CPQ: variants seen among roughly 807,000 people sequenced by gnomAD.
CPQ encodes carboxypeptidase Q, also known as Ser-Met dipeptidase.
CPQ carries 37 observed loss-of-function variants against 45.7 expected under a neutral mutation model. The observed-to-expected ratio is 0.81, with a 90% confidence interval of 0.62 to 1.07. The LOEUF (loss-of-function observed/expected upper bound fraction) is 1.07, where lower values mean the gene tolerates loss of function less well. Ranked by LOEUF, CPQ falls within the 50% of genes least tolerant of loss-of-function variation. The pLI is 0.00. For missense variants in CPQ, 537 were observed against 572.9 expected, an observed-to-expected ratio of 0.94 and a Z score of 0.64; for synonymous variants, 186 against 205.8, an observed-to-expected ratio of 0.90 and a Z score of 0.82.
intron 1 of CPQ, among the ~76,000 whole-genome samples, chr8:96,683,894 T>C (rs1212302613): frequency 6.6e-6 from 1 of 152,164 alleles, no homozygotes; most frequent in African/African-American, 2.4e-5. Context: ...TTTGGTTTTG[T>C]TCTCTTTGGA....
At chr8:96,880,074 T>G in intron 4 of CPQ, 69 bp downstream of exon 4, 2 of 1,397,768 alleles carry the variant, frequency 1.4e-6, no homozygotes, top group South Asian at 2.4e-5. Flanking sequence ...AGAGATAGTT[T>G]GGGAAAGAGA....
rs542508281 is a variant in CPQ at position 96,978,125 on chromosome 8, G to A, written c.961+12079G>A. Among the ~76,000 whole-genome samples the A allele has an allele frequency of 9.9e-5, 15 of 151,914 alleles. No individual in the cohort carries two copies. In the South Asian group the frequency reaches 2.1e-3, roughly 21 times the overall value. On this transcript the variant is annotated intron_variant, in intron 5 of 7. Coordinates refer to ENST00000220763, the MANE Select transcript of CPQ (RefSeq NM_016134.4). ...ATTCTGATATGTTATTTCCTCTAGC[G>A]GCAACTTATGTTAGTGAATGGCTTT...
intron 4 of CPQ, among the ~76,000 whole-genome samples, chr8:96,887,737 A>G (rs1812322919): frequency 6.6e-6 from 1 of 152,182 alleles, no homozygotes; most frequent in Non-Finnish European, 1.5e-5. Flanking sequence ...TTCATGAATT[A>G]TTCTGAAGTT....
intron 4 of CPQ, among the ~76,000 whole-genome samples, chr8:96,952,398 G>C (rs1813281621): frequency 6.6e-6 from 1 of 152,082 alleles, no homozygotes; most frequent in Non-Finnish European, 1.5e-5. Context: ...AGCCTGCAAA[G>C]GAATCTAGAA....
At chr8:97,056,623 C>G (rs1360002584) in intron 6 of CPQ, 1 of 152,164 alleles carries the variant, frequency 6.6e-6, no homozygotes, top group African/African-American at 2.4e-5. Context: ...GGAGGGACAA[C>G]CAATGTTTGA....
chr8:96,941,961 G>T (rs1002186992), intron 4 of CPQ, among the ~76,000 whole-genome samples: 1 of 152,148 alleles, frequency 6.6e-6, no homozygotes, highest in African/African-American at 2.4e-5. Context: ...GAAAGAGGAA[G>T]GTGTTTAGCC....
At chr8:96,950,242 TAA>T (rs1586463311) in intron 4 of CPQ, among the ~76,000 whole-genome samples, 1 of 152,152 alleles carries the variant, frequency 6.6e-6, no homozygotes, top group East Asian at 1.9e-4. Context: ...ACTAAAATTG[TAA>T]AGGTCAGGGG....
chr8:96,991,322 C>A (rs1362945771), intron 5 of CPQ, among the ~76,000 whole-genome samples: 1 of 151,968 alleles, frequency 6.6e-6, no homozygotes, highest in African/African-American at 2.4e-5. Context: ...TTTGGGAGAC[C>A]GAGGTGGGCC....
chr8:96,989,369 T>C (rs1436350662), intron 5 of CPQ, among the ~76,000 whole-genome samples: 2 of 149,446 alleles, frequency 1.3e-5, no homozygotes, highest in Non-Finnish European at 3.0e-5. Flanking sequence ...TTCAGGTCAG[T>C]TCTGAATAAT....
Position 97,125,869 on chromosome 8 carries a change from T to C in CPQ, c.1256-17151T>C, listed in dbSNP as rs548664316. Reference sequence around the variant, plus strand: ...ATCATATTGCAAGTACCAACTAGTATAATTAGACAAGATAAAGAAATCAAA... The same window carrying C: ...ATCATATTGCAAGTACCAACTAGTACAATTAGACAAGATAAAGAAATCAAA... On this transcript the variant is annotated intron_variant, in intron 7 of 7. Transcript: ENST00000220763. 3.3e-5 allele frequency among the ~76,000 whole-genome samples: 5 copies of C among 152,180 alleles called. 1 individual carries two copies. Among genetic ancestry groups the C allele is most frequent in the Non-Finnish European group, 7.3e-5 (5 of 68,030 alleles).
chr8:97,053,366 T>C (rs1247587898), intron 6 of CPQ, among the ~76,000 whole-genome samples: 1 of 152,056 alleles, frequency 6.6e-6, no homozygotes, highest in Non-Finnish European at 1.5e-5. Flanking sequence ...GGAGCAGAGA[T>C]AGAGTACATG....
intron 5 of CPQ, among the ~76,000 whole-genome samples, chr8:97,010,135 G>C (rs1809459389): frequency 6.6e-6 from 1 of 152,190 alleles, no homozygotes; most frequent in African/African-American, 2.4e-5. Context: ...GGAGGATTTA[G>C]TGAAAGTTAT....
intron 7 of CPQ, among the ~76,000 whole-genome samples, chr8:97,081,614 A>C (rs1351996913): frequency 6.6e-6 from 1 of 152,066 alleles, no homozygotes; most frequent in Non-Finnish European, 1.5e-5. Flanking sequence ...TGGCCTTCCA[A>C]CTTCCTGGAG....
In CPQ at chr8:96,785,203, A is replaced by G. The variant is rs781314881; in HGVS notation, c.306A>G (p.Lys102=). The G allele has an allele frequency of 6.2e-7, 1 of 1,613,680 alleles. No individual in the cohort carries two copies. The highest frequency in any genetic ancestry group is 2.2e-5 in the East Asian group (1 of 44,768). ...YQNLQQDGLE[K]VHLEPVRIPH... is the part of the protein sequence containing the mutation. ...ACCTGCAGCAAGATGGGCTGGAGAA[A>G]GTTCACCTGGAGCCAGTGAGAATAC... The change falls in exon 2 of 8, where the codon AAA becomes AAG. Residue 102 remains lysine (K), a synonymous_variant. Coordinates refer to ENST00000220763, the MANE Select transcript of CPQ (RefSeq NM_016134.4).
At chr8:96,855,148 A>G (rs944286535) in intron 3 of CPQ, among the ~76,000 whole-genome samples, 3 of 152,186 alleles carry the variant, frequency 2.0e-5, no homozygotes, top group Admixed American at 6.5e-5. Flanking sequence ...ACATTGGGAA[A>G]GGCAATGTGC....
chr8:97,025,835 G>A (rs1288490264), intron 5 of CPQ, among the ~76,000 whole-genome samples: 2 of 152,196 alleles, frequency 1.3e-5, no homozygotes, highest in Non-Finnish European at 2.9e-5. Context: ...ATTTGAAAAT[G>A]ATAAATATAG....
chr8:96,781,529 T>A (rs1810684987), intron 1 of CPQ, among the ~76,000 whole-genome samples: 1 of 152,172 alleles, frequency 6.6e-6, no homozygotes, highest in African/African-American at 2.4e-5. Context: ...GGTCCTACCT[T>A]CCAAGACCAT....
chr8:97,131,736 A>G (rs1190301241), intron 7 of CPQ, among the ~76,000 whole-genome samples: 1 of 152,194 alleles, frequency 6.6e-6, no homozygotes. Flanking sequence ...AATTTCTACT[A>G]GAGTCATTTA....
intron 4 of CPQ, among the ~76,000 whole-genome samples, chr8:96,903,876 T>C (rs1384602681): frequency 1.3e-5 from 2 of 152,208 alleles, no homozygotes; most frequent in Non-Finnish European, 2.9e-5. Flanking sequence ...TTTGTTCTTA[T>C]TTGCTCCGAA....
Sources: allele counts gnomAD v4.1 joint callset (sites outside exome capture counted in the v4.1 genomes callset), GRCh38; gene constraint gnomAD v4.1.1; transcripts MANE v1.5; gene names NCBI Gene and HGNC (gene_info 2026-07-23, HGNC 2026-07-21).